Variants in ATRNL1 observed in about 807,000 individuals in gnomAD.
The protein encoded by ATRNL1 is attractin-like protein 1.
Under a neutral mutation model 182.7 loss-of-function variants are expected in ATRNL1, and 95 were observed. The observed-to-expected ratio is 0.52, with a 90% CI of 0.44 to 0.62. The LOEUF (loss-of-function observed/expected upper bound fraction) is 0.62. Ranked by LOEUF, ATRNL1 falls within the 20% of genes least tolerant of loss-of-function variation. The pLI is 0.00. For synonymous variants in ATRNL1, 576 were observed against 568.3 expected, an observed-to-expected ratio of 1.01 and a Z score of -0.19; for missense variants, 1,471 against 1,679.5, an observed-to-expected ratio of 0.88 and a Z score of 2.17.
intron 17 of ATRNL1, among the ~76,000 whole-genome samples, chr10:115,304,417 G>T (rs1554925558): frequency 6.6e-6 from 1 of 152,188 alleles, no homozygotes; most frequent in African/African-American, 2.4e-5. Flanking sequence ...GAACACCAGG[G>T]CTCTTGTCTC....
chr10:115,138,229 T>A (rs1845604886), intron 5 of ATRNL1, among the ~76,000 whole-genome samples: 1 of 152,254 alleles, frequency 6.6e-6, no homozygotes, highest in African/African-American at 2.4e-5. Flanking sequence ...ATTGAGTGTC[T>A]GTGGCTTTTC....
At chr10:115,171,762 ATTATT>A (rs1554885711) in intron 8 of ATRNL1, among the ~76,000 whole-genome samples, 1 of 151,878 alleles carries the variant, frequency 6.6e-6, no homozygotes. Context: ...TCTATAAGAG[ATTATT>A]ATCTGTTATG....
At chr10:115,905,155 C>T (rs1952463360) in intron 28 of ATRNL1, among the ~76,000 whole-genome samples, 1 of 152,088 alleles carries the variant, frequency 6.6e-6, no homozygotes, top group Non-Finnish European at 1.5e-5. Flanking sequence ...CCCAGGGTTA[C>T]TAAAACTGTA....
chr10:115,824,057 A>G (rs933397047), intron 27 of ATRNL1, among the ~76,000 whole-genome samples: 1 of 152,216 alleles, frequency 6.6e-6, no homozygotes, highest in African/African-American at 2.4e-5. Context: ...CCAAAACAGC[A>G]TGATACTGGT....
At chr10:115,805,222 A>G (rs1949892613) in intron 27 of ATRNL1, among the ~76,000 whole-genome samples, 1 of 152,124 alleles carries the variant, frequency 6.6e-6, no homozygotes, top group South Asian at 2.1e-4. Flanking sequence ...GATATTGGGA[A>G]GTTTTGCCTG....
intron 26 of ATRNL1, among the ~76,000 whole-genome samples, chr10:115,606,818 A>T (rs1469491466): frequency 1.1e-4 from 16 of 152,022 alleles, no homozygotes; most frequent in African/African-American, 3.9e-4. Context: ...GCTTTAAATC[A>T]GTTTATTTTA....
At chr10:115,258,815 T>C (rs538941606) in intron 10 of ATRNL1, among the ~76,000 whole-genome samples, 3 of 152,210 alleles carry the variant, frequency 2.0e-5, no homozygotes, top group South Asian at 2.1e-4. Context: ...AGATGACCTT[T>C]TGTTGATGTT....
chr10:115,354,576 T>C (rs1250894455), intron 19 of ATRNL1, among the ~76,000 whole-genome samples: 4 of 152,194 alleles, frequency 2.6e-5, no homozygotes, highest in Non-Finnish European at 5.9e-5. Context: ...AGCTCCTTTA[T>C]ATGTTATTTA....
intron 26 of ATRNL1, among the ~76,000 whole-genome samples, chr10:115,673,498 G>C (rs74158242): frequency 0.012 from 1,802 of 152,010 alleles, 34 homozygotes; most frequent in African/African-American, 0.041. Context: ...GAAAACAGTG[G>C]TATCTCCATT....
intron 8 of ATRNL1, among the ~76,000 whole-genome samples, chr10:115,180,236 G>A (rs782007613): frequency 2.0e-5 from 3 of 151,586 alleles, no homozygotes; most frequent in Non-Finnish European, 4.4e-5. Context: ...AATTCTTATT[G>A]TATATTTGTT....
chr10:115,261,005 TA>T (rs1851369057), intron 10 of ATRNL1, among the ~76,000 whole-genome samples: 1 of 151,894 alleles, frequency 6.6e-6, no homozygotes, highest in East Asian at 1.9e-4. Flanking sequence ...ATTTTAAGAC[TA>T]AAAGAGCCTA....
intron 8 of ATRNL1, among the ~76,000 whole-genome samples, chr10:115,173,023 A>G (rs1847355278): frequency 6.6e-6 from 1 of 151,780 alleles, no homozygotes; most frequent in Non-Finnish European, 1.5e-5. Context: ...TTCCTTCTCT[A>G]TCATCACTCG....
At chr10:115,107,615 T>C (rs1844071139) in intron 1 of ATRNL1, among the ~76,000 whole-genome samples, 1 of 152,190 alleles carries the variant, frequency 6.6e-6, no homozygotes, top group African/African-American at 2.4e-5. Flanking sequence ...GCAGCCCTGC[T>C]CCCATGGCCC....
intron 26 of ATRNL1, among the ~76,000 whole-genome samples, chr10:115,620,543 A>G (rs1367268487): frequency 6.6e-6 from 1 of 152,242 alleles, no homozygotes; most frequent in African/African-American, 2.4e-5. Context: ...TAAAAAATAT[A>G]TGCTAACAAT....
At chr10:115,147,845 G>A (rs1256946327) in intron 5 of ATRNL1, among the ~76,000 whole-genome samples, 1 of 152,072 alleles carries the variant, frequency 6.6e-6, no homozygotes, top group Non-Finnish European at 1.5e-5. Flanking sequence ...CCAGTACCAT[G>A]CTGTTTTGGT....
intron 26 of ATRNL1, among the ~76,000 whole-genome samples, chr10:115,714,252 T>C (rs1470349813): frequency 1.3e-5 from 2 of 151,950 alleles, no homozygotes; most frequent in African/African-American, 4.8e-5. Flanking sequence ...AAAAATGGGG[T>C]CCTTATCACA....
intron 19 of ATRNL1, among the ~76,000 whole-genome samples, chr10:115,358,750 A>C (rs753583926): frequency 3.0e-4 from 45 of 151,752 alleles, no homozygotes; most frequent in South Asian, 2.1e-4. Context: ...CCTGATTCTA[A>C]CAGTGGTCTA....
chr10:115,881,971 G>T (rs879987565), intron 28 of ATRNL1, among the ~76,000 whole-genome samples: 1 of 152,170 alleles, frequency 6.6e-6, no homozygotes, highest in Non-Finnish European at 1.5e-5. Context: ...GTCACCTGCA[G>T]ATTTTTGAGG....
chr10:115,533,209 T>C (rs1554988978), intron 25 of ATRNL1, among the ~76,000 whole-genome samples: 1 of 151,310 alleles, frequency 6.6e-6, no homozygotes, highest in Non-Finnish European at 1.5e-5. Context: ...CTGGTAGAAT[T>C]CGGCTGTGAA....
Sources: allele counts gnomAD v4.1 joint callset (sites outside exome capture counted in the v4.1 genomes callset), GRCh38; gene constraint gnomAD v4.1.1; transcripts MANE v1.5; gene names NCBI Gene and HGNC (gene_info 2026-07-23, HGNC 2026-07-21).